Variants in PRKAR1A observed in about 807,000 individuals in gnomAD.
The protein encoded by PRKAR1A is cAMP-dependent protein kinase type I-alpha regulatory subunit.
A neutral mutation model predicts 52.0 loss-of-function variants in PRKAR1A; 3 were observed. The observed-to-expected ratio is 0.06, with a 90% CI of 0.03 to 0.15. The LOEUF is 0.15. Among genes scored for constraint, PRKAR1A ranks in the 10% least tolerant of loss-of-function variants. PRKAR1A has a pLI of 1.00. For synonymous variants in PRKAR1A, 188 were observed against 168.4 expected, an observed-to-expected ratio of 1.12 and a Z score of -0.90; for missense variants, 240 against 477.4, an observed-to-expected ratio of 0.50 and a Z score of 4.63.
Position 68,532,658 on chromosome 17 carries a change from T to C in PRKAR1A, c.*2209T>C. 1 of 1,066,402 alleles carries C rather than the reference T, an allele frequency of 9.4e-7. No individual in the cohort carries two copies. The highest frequency in any genetic ancestry group is 1.1e-6 in the Non-Finnish European group (1 of 879,688). The allele number at this position is 1,066,402 out of a possible 1,614,324, so 66.1% of individuals were successfully genotyped here. On this transcript the variant is annotated 3_prime_UTR_variant, in exon 11 of 11. Transcript: ENST00000589228. ...TGGCCAAAGGACCGTTTTGTATTGC[T>C]TCCTGATTACCAGTCTGATTATACC...
chr17:68,523,197 T>C (rs2085672716), intron 3 of PRKAR1A, among the ~76,000 whole-genome samples: 1 of 152,202 alleles, frequency 6.6e-6, no homozygotes, highest in Non-Finnish European at 1.5e-5. Flanking sequence ...CGGTATTGCT[T>C]TTTCTCTTGA....
intron 8 of PRKAR1A, 104 bp from the exon 9 acceptor site, chr17:68,528,766 G>T: frequency 6.9e-7 from 1 of 1,452,446 alleles, no homozygotes; most frequent in Non-Finnish European, 9.6e-7. Context: ...CTACTAGAAT[G>T]TTGAATGGGC....
the PRKAR1A span, chr17:68,425,979 G>GA: frequency 7.1e-5 from 66 of 935,598 alleles, no homozygotes; most frequent in African/African-American, 9.7e-4. Flanking sequence ...TTATAGATTA[G>GA]AAAACAGGGA....
At chr17:68,434,837 C>T in the PRKAR1A span, among the ~76,000 whole-genome samples, 96 of 152,218 alleles carry the variant, frequency 6.3e-4, no homozygotes, top group African/African-American at 2.2e-3. Context: ...TTCCCTTCCA[C>T]CTGTGCCCAA....
At chr17:68,512,807 C>T in intron 1 of PRKAR1A, 1 of 152,188 alleles carries the variant, frequency 6.6e-6, no homozygotes, top group Non-Finnish European at 1.5e-5. Flanking sequence ...TCGCTGCCCC[C>T]ACCCCACGGC....
Position 68,530,678 on chromosome 17 carries a change from A to G in PRKAR1A, c.*229A>G. 7.0e-7 allele frequency: 1 copy of G among 1,428,214 alleles called. No homozygotes were observed. Among genetic ancestry groups the G allele is most frequent in the Non-Finnish European group, 9.2e-7 (1 of 1,091,010 alleles). The allele number at this position is 1,428,214 out of a possible 1,614,324, so 88.5% of individuals were successfully genotyped here. A position where few individuals can be genotyped will look rare whatever the true frequency, so the allele number is the denominator to read the frequency against. ...AGAGTTCTATGGAGACTTTGCTGTT[A>G]CTGCTTCTCTTTGTGCAGTGTTAGT... On this transcript the variant is annotated 3_prime_UTR_variant, in exon 11 of 11. Coordinates refer to ENST00000589228, the MANE Select transcript of PRKAR1A (RefSeq NM_002734.5).
At chr17:68,526,338 G>T (rs927427149) in intron 7 of PRKAR1A, among the ~76,000 whole-genome samples, 1 of 152,206 alleles carries the variant, frequency 6.6e-6, no homozygotes, top group East Asian at 1.9e-4. Context: ...TAATGTATAT[G>T]TATGTCATGT....
the PRKAR1A span, among the ~76,000 whole-genome samples, chr17:68,482,532 T>C: frequency 6.6e-6 from 1 of 152,240 alleles, no homozygotes; most frequent in African/African-American, 2.4e-5. Flanking sequence ...ATATTTTAAA[T>C]GGCAAAGACA....
intron 11 of PRKAR1A, chr17:68,540,538 C>T (rs1370471083): frequency 4.0e-6 from 2 of 501,434 alleles, no homozygotes; most frequent in Non-Finnish European, 7.8e-6. Flanking sequence ...TACTTTCTTC[C>T]CTTCCTACCT....
At chr17:68,441,225 C>T in the PRKAR1A span, 1 of 152,214 alleles carries the variant, frequency 6.6e-6, no homozygotes, top group African/African-American at 2.4e-5. Flanking sequence ...TGGCCAAGCT[C>T]TTTAAAGGAA....
chr17:68,507,613 G>A (rs945919219), upstream of PRKAR1A, among the ~76,000 whole-genome samples: 12 of 152,138 alleles, frequency 7.9e-5, no homozygotes, highest in East Asian at 5.8e-4. Context: ...AAACCTGCAC[G>A]TTCTTCTGCA....
the PRKAR1A span, among the ~76,000 whole-genome samples, chr17:68,475,373 A>C: frequency 2.0e-5 from 3 of 152,386 alleles, no homozygotes; most frequent in Admixed American, 6.5e-5. Context: ...CTGAACAAAG[A>C]AAGCAAGCAA....
chr17:68,484,303 G>A, the PRKAR1A span, among the ~76,000 whole-genome samples: 2 of 152,194 alleles, frequency 1.3e-5, no homozygotes, highest in African/African-American at 2.4e-5. Context: ...TTGCACATCG[G>A]TCAGATTTAT....
At position 68,530,623 on chromosome 17, in the gene PRKAR1A, A is replaced by G; in HGVS notation, c.*174A>G. ...CCATTTTCAATTTGGAGCATTAACT[A>G]AATGCTCATACACAGTTAAATAAAT... On this transcript the variant is annotated 3_prime_UTR_variant, in exon 11 of 11. Transcript: ENST00000589228. 2.6e-6 allele frequency: 4 copies of G among 1,521,074 alleles called. No individual in the cohort carries two copies. The highest frequency in any genetic ancestry group is 1.2e-5 in the South Asian group (1 of 81,864). 94.2% of individuals were successfully genotyped at this position (1,521,074 alleles called of 1,614,324 possible).
the PRKAR1A span, among the ~76,000 whole-genome samples, chr17:68,471,278 A>T: frequency 6.6e-6 from 1 of 152,328 alleles, no homozygotes; most frequent in East Asian, 1.9e-4. Flanking sequence ...TATCTCTAAG[A>T]TGGGAAAAAA....
At chr17:68,513,437 T>C (rs1393175978) in intron 1 of PRKAR1A, among the ~76,000 whole-genome samples, 1 of 152,204 alleles carries the variant, frequency 6.6e-6, no homozygotes, top group Middle Eastern at 3.2e-3. Flanking sequence ...GCGGTCTGAA[T>C]CAGGAACAGT....
intron 7 of PRKAR1A, among the ~76,000 whole-genome samples, chr17:68,526,139 G>A (rs778027581): frequency 3.9e-5 from 6 of 152,162 alleles, no homozygotes; most frequent in Non-Finnish European, 8.8e-5. Flanking sequence ...AAAACCTTGG[G>A]AAACAAGATC....
At chr17:68,431,943 G>C in the PRKAR1A span, among the ~76,000 whole-genome samples, 1 of 152,154 alleles carries the variant, frequency 6.6e-6, no homozygotes, top group African/African-American at 2.4e-5. Flanking sequence ...GGGGTTGAAC[G>C]GCATCTTAAC....
At chr17:68,419,659 G>C in the PRKAR1A span, among the ~76,000 whole-genome samples, 3 of 152,154 alleles carry the variant, frequency 2.0e-5, no homozygotes, top group African/African-American at 7.2e-5. Context: ...AGTTCAAGGA[G>C]AACTTCCAAA....
Sources: gnomAD v4.1 joint callset for allele counts (sites outside exome capture counted in the v4.1 genomes callset) on GRCh38, gnomAD v4.1.1 for gene constraint, MANE v1.5 for transcripts, NCBI Gene and HGNC (gene_info 2026-07-23, HGNC 2026-07-21) for gene names.